SGPP1: variants seen among roughly 807,000 people sequenced by gnomAD.
SGPP1 encodes the protein sphingosine-1-phosphate phosphatase 1.
Under a neutral mutation model 33.0 loss-of-function variants are expected in SGPP1, and 21 were observed. The observed-to-expected ratio is 0.64, with a 90% confidence interval of 0.45 to 0.92. The LOEUF (loss-of-function observed/expected upper bound fraction) is 0.92. Ranked by LOEUF, SGPP1 falls within the 40% of genes least tolerant of loss-of-function variation. The pLI, the probability that SGPP1 is intolerant of heterozygous loss-of-function variation, is 0.00. For missense variants in SGPP1, 543 were observed against 589.4 expected (o/e 0.92, Z 0.81); for synonymous variants, 239 against 241.2 (o/e 0.99, Z 0.08).
chr14:63,702,595 A>C (rs182424285), intron 1 of SGPP1, among the ~76,000 whole-genome samples: 1 of 152,216 alleles, frequency 6.6e-6, no homozygotes, highest in East Asian at 1.9e-4. Flanking sequence ...CTGTAGTCCA[A>C]GCTACTTGGG....
Position 63,686,404 on chromosome 14 carries a change from A to G in SGPP1, c.1027T>C (p.Leu343=), listed in dbSNP as rs1248708159. 13 of 1,614,192 alleles carry G rather than the reference A, an allele frequency of 8.1e-6. No individual in the cohort carries two copies. The highest frequency in any genetic ancestry group is 1.0e-5 in the Non-Finnish European group (12 of 1,180,032). The part of the protein sequence containing the change: ...SHVTYNMGLV[L]DPSLDTLPLA... Reference sequence around the variant, plus strand: ...GGTAATGTATCTAGAGAAGGATCTAATACTAGACCCATGTTATAAGTAACA... The same window carrying G: ...GGTAATGTATCTAGAGAAGGATCTAGTACTAGACCCATGTTATAAGTAACA... The change falls in exon 3 of 3, where the codon TTA becomes CTA. Residue 343 remains leucine (L), a synonymous_variant. Coordinates refer to ENST00000247225, the MANE Select transcript of SGPP1 (RefSeq NM_030791.4).
In SGPP1 at chr14:63,727,948, A is replaced by G; in HGVS notation, c.-4T>C. On this transcript the variant is annotated 5_prime_UTR_variant, in exon 1 of 3. Transcript: ENST00000247225. ...CCAGGCGCTGCCTCAGCGACATGATAACGGAACCCCCGGGAAGGCGGGCCG... is the reference window on the plus strand; with the variant it reads ...CCAGGCGCTGCCTCAGCGACATGATGACGGAACCCCCGGGAAGGCGGGCCG... 6.5e-7 allele frequency: 1 copy of G among 1,544,186 alleles called. No homozygotes were observed. The highest frequency in any genetic ancestry group is 8.7e-7 in the Non-Finnish European group (1 of 1,154,674).
intron 2 of SGPP1, among the ~76,000 whole-genome samples, chr14:63,689,047 C>T (rs147009168): frequency 6.6e-6 from 1 of 152,142 alleles, no homozygotes; most frequent in Non-Finnish European, 1.5e-5. Context: ...ATATTCAATA[C>T]AGTTAAGCAA....
rs545715780 is a variant in SGPP1, at chr14:63,689,935, T to C, written c.775-3279A>G. Among the ~76,000 whole-genome samples, 181 of 152,376 alleles carry C rather than the reference T, an allele frequency of 1.2e-3. 1 individual carries two copies. Among genetic ancestry groups the C allele is most frequent in the Non-Finnish European group, 2.4e-3 (164 of 68,040 alleles). ...TTATATGTAGTTATCGGTCATTCAC[T>C]TTCACAATCATGTAATATTCTGCTG... On this transcript the variant is annotated intron_variant, in intron 2 of 2. Coordinates refer to ENST00000247225, the MANE Select transcript of SGPP1 (RefSeq NM_030791.4).
chr14:63,700,627 A>G (rs542395047), intron 1 of SGPP1, among the ~76,000 whole-genome samples: 4 of 152,336 alleles, frequency 2.6e-5, no homozygotes, highest in African/African-American at 9.6e-5. Flanking sequence ...GTAAATATGT[A>G]TAAGTTATAT....
chr14:63,697,561 G>T (rs1482632198), intron 2 of SGPP1, among the ~76,000 whole-genome samples: 1 of 152,162 alleles, frequency 6.6e-6, no homozygotes, highest in Non-Finnish European at 1.5e-5. Context: ...ACACACAGTT[G>T]CTGTTCTCAA....
At chr14:63,691,469 T>C (rs1356196266) in intron 2 of SGPP1, among the ~76,000 whole-genome samples, 2 of 152,232 alleles carry the variant, frequency 1.3e-5, no homozygotes, top group Non-Finnish European at 2.9e-5. Flanking sequence ...CTCAGGCATC[T>C]ACCTCCTCCA....
Position 63,684,688 on chromosome 14 carries a change from T to A in SGPP1, c.*1417A>T, listed in dbSNP as rs990659483. 6.6e-6 allele frequency: 1 copy of A among 152,598 alleles called. No individual in the cohort carries two copies. Among genetic ancestry groups the A allele is most frequent in the South Asian group, 2.1e-4 (1 of 4,830 alleles). The allele number at this position is 152,598 out of a possible 1,614,324, so 9.5% of individuals were successfully genotyped here. On this transcript the variant is annotated 3_prime_UTR_variant, in exon 3 of 3. Coordinates refer to ENST00000247225, the MANE Select transcript of SGPP1 (RefSeq NM_030791.4). Reference sequence around the variant, plus strand: ...ATTTCATACCTGGTATTTATTTATATGGAAAGTTAATCTCTTCTTTATGAA... The same window carrying A: ...ATTTCATACCTGGTATTTATTTATAAGGAAAGTTAATCTCTTCTTTATGAA...
intron 1 of SGPP1, among the ~76,000 whole-genome samples, chr14:63,699,220 A>AT (rs549791245): frequency 3.2e-4 from 49 of 152,304 alleles, no homozygotes; most frequent in African/African-American, 1.2e-3. Flanking sequence ...ACTGAGAAAA[A>AT]TTTCCGTGGA....
At position 63,712,617 on chromosome 14, in the gene SGPP1, C is replaced by T. The variant is rs558296790; in HGVS notation, c.685-13959G>A. Among the ~76,000 whole-genome samples, 9 of 152,318 alleles carry T rather than the reference C, an allele frequency of 5.9e-5. 1 individual carries two copies. The highest frequency in any genetic ancestry group is 3.4e-3 in the Middle Eastern group (1 of 294). On this transcript the variant is annotated intron_variant, in intron 1 of 2. Coordinates refer to ENST00000247225, the MANE Select transcript of SGPP1 (RefSeq NM_030791.4). ...AAAATAAAACTATGAGTGAGGCAGA[C>T]ATGTGCGTATGAAAACAGAACATTT... is the stretch of plus-strand genomic sequence containing the variant.
intron 2 of SGPP1, among the ~76,000 whole-genome samples, chr14:63,689,594 C>T (rs1310943116): frequency 3.3e-5 from 5 of 151,830 alleles, no homozygotes; most frequent in African/African-American, 1.2e-4. Context: ...GTCAGGAGTT[C>T]GAGACCGGCC....
intron 1 of SGPP1, among the ~76,000 whole-genome samples, chr14:63,711,309 C>T (rs1566823125): frequency 1.3e-5 from 2 of 152,144 alleles, no homozygotes; most frequent in South Asian, 2.1e-4. Context: ...GCCACTGCAC[C>T]TGGCCATTAA....
chr14:63,704,028 T>C (rs1885357536), intron 1 of SGPP1, among the ~76,000 whole-genome samples: 1 of 152,000 alleles, frequency 6.6e-6, no homozygotes, highest in African/African-American at 2.4e-5. Flanking sequence ...GGTCTCGCTA[T>C]GTTGCCCAGG....
intron 2 of SGPP1, among the ~76,000 whole-genome samples, chr14:63,688,112 T>C (rs1272380659): frequency 7.9e-6 from 1 of 127,258 alleles, no homozygotes; most frequent in Non-Finnish European, 1.7e-5. Context: ...GCAACAAGAG[T>C]GAAACTCCAA....
At chr14:63,706,937 G>A (rs988377163) in intron 1 of SGPP1, among the ~76,000 whole-genome samples, 7 of 151,332 alleles carry the variant, frequency 4.6e-5, no homozygotes, top group Non-Finnish European at 1.0e-4. Flanking sequence ...TAGCTACTCG[G>A]GAGGCTGAGG....
chr14:63,720,277 G>A (rs1885743192), intron 1 of SGPP1, among the ~76,000 whole-genome samples: 1 of 147,354 alleles, frequency 6.8e-6, no homozygotes, highest in Admixed American at 6.9e-5. Flanking sequence ...AAAATGGTAA[G>A]AAAAAAAGAA....
intron 1 of SGPP1, among the ~76,000 whole-genome samples, chr14:63,705,866 G>GT: frequency 6.6e-6 from 1 of 152,306 alleles, no homozygotes; most frequent in South Asian, 2.1e-4. Flanking sequence ...ATGAAAAGCA[G>GT]TTTAGCAGTT....
chr14:63,696,971 G>A (rs528085848), intron 2 of SGPP1, among the ~76,000 whole-genome samples: 3 of 152,270 alleles, frequency 2.0e-5, no homozygotes, highest in South Asian at 2.1e-4. Context: ...GGACAACAGA[G>A]CAAGACTCTG....
Position 63,725,374 on chromosome 14 carries a change from G to A in SGPP1, c.684+1887C>T, listed in dbSNP as rs1019526387. Reference sequence around the variant, plus strand: ...GGGCAACAGAGCGAGACTCCGTCAGGAGGCTTTCTTTCAGAACAACTAACC... The same window carrying A: ...GGGCAACAGAGCGAGACTCCGTCAGAAGGCTTTCTTTCAGAACAACTAACC... On this transcript the variant is annotated intron_variant, in intron 1 of 2. Transcript: ENST00000247225. Among the ~76,000 whole-genome samples the A allele has an allele frequency of 5.3e-5, 8 of 152,216 alleles. No homozygotes were observed. The South Asian group carries it at 6.2e-4, about 12-fold the overall frequency.
Sources: gnomAD v4.1 joint callset for allele counts (sites outside exome capture counted in the v4.1 genomes callset) on GRCh38, gnomAD v4.1.1 for gene constraint, MANE v1.5 for transcripts, NCBI Gene and HGNC (gene_info 2026-07-23, HGNC 2026-07-21) for gene names.